The following TRAF3 variants were observed in gnomAD, a reference collection of about 807,000 sequenced individuals.
The protein encoded by TRAF3 is TNF receptor associated factor 3.
TRAF3 carries 13 observed loss-of-function variants against 62.3 expected under a neutral mutation model. The ratio of observed to expected loss-of-function variants is 0.21; its 90% CI spans 0.14 to 0.33. The LOEUF (loss-of-function observed/expected upper bound fraction) is 0.33, where lower values mean the gene tolerates loss of function less well. Among genes scored for constraint, TRAF3 ranks in the 10% least tolerant of loss-of-function variants. The pLI, the probability that TRAF3 is intolerant of heterozygous loss-of-function variation, is 1.00. For missense variants in TRAF3, 440 were observed against 741.8 expected, an observed-to-expected ratio of 0.59 and a Z score of 4.73; for synonymous variants, 269 against 283.4, an observed-to-expected ratio of 0.95 and a Z score of 0.51.
chr14:102,782,989 G>A (rs1897328431), intron 1 of TRAF3, among the ~76,000 whole-genome samples: 1 of 152,208 alleles, frequency 6.6e-6, no homozygotes, highest in African/African-American at 2.4e-5. Flanking sequence ...TGTAATGAAG[G>A]TTTCCTGAGA....
At chr14:102,900,409 A>G (rs1252038793) in intron 10 of TRAF3, among the ~76,000 whole-genome samples, 1 of 152,198 alleles carries the variant, frequency 6.6e-6, no homozygotes, top group Admixed American at 6.5e-5. Flanking sequence ...GCTGAGGCAG[A>G]AGAATCACTT....
chr14:102,887,569 T>C (rs536457755), intron 7 of TRAF3, among the ~76,000 whole-genome samples: 4 of 152,206 alleles, frequency 2.6e-5, no homozygotes, highest in Non-Finnish European at 5.9e-5. Context: ...TCTGTTAATG[T>C]ATAAAGAGTC....
At chr14:102,846,864 T>A (rs1886757717) in intron 2 of TRAF3, among the ~76,000 whole-genome samples, 1 of 152,084 alleles carries the variant, frequency 6.6e-6, no homozygotes. Context: ...TACTTACGTA[T>A]GTGGTGGAAG....
intron 1 of TRAF3, among the ~76,000 whole-genome samples, chr14:102,784,617 C>T (rs931388579): frequency 1.7e-4 from 26 of 152,162 alleles, no homozygotes; most frequent in African/African-American, 5.1e-4. Flanking sequence ...GGGCTATGCT[C>T]GTTGCTAAAG....
chr14:102,789,440 A>G (rs768121928), intron 1 of TRAF3, among the ~76,000 whole-genome samples: 1 of 150,192 alleles, frequency 6.7e-6, no homozygotes, highest in Non-Finnish European at 1.5e-5. Flanking sequence ...CAGTGTTCCA[A>G]TTTCAGGACA....
intron 1 of TRAF3, among the ~76,000 whole-genome samples, chr14:102,790,175 A>T (rs1343455338): frequency 6.6e-6 from 1 of 151,996 alleles, no homozygotes; most frequent in East Asian, 1.9e-4. Context: ...TTTTTGATCC[A>T]TTTCAGTTAA....
Position 102,854,706 on chromosome 14 carries a change from G to A in TRAF3, c.-17-15479G>A, listed in dbSNP as rs959958446. On this transcript the variant is annotated intron_variant, in intron 2 of 11. Coordinates refer to ENST00000392745, the MANE Select transcript of TRAF3 (RefSeq NM_145725.3). ...TAGAGATGGGGTTTTTTACTGTGTT[G>A]CCCAGGCATGTCTTGAACTACTGGC... 4.6e-5 allele frequency among the ~76,000 whole-genome samples: 7 copies of A among 151,232 alleles called. No homozygotes were observed. The East Asian group carries it at 1.4e-3, about 29-fold the overall frequency.
At chr14:102,850,482 A>G (rs1886968640) in intron 2 of TRAF3, among the ~76,000 whole-genome samples, 1 of 152,034 alleles carries the variant, frequency 6.6e-6, no homozygotes, top group Non-Finnish European at 1.5e-5. Flanking sequence ...GAATCACTTG[A>G]GGTCAGGAGT....
At chr14:102,831,723 C>T (rs1470842921) in intron 2 of TRAF3, among the ~76,000 whole-genome samples, 1 of 152,186 alleles carries the variant, frequency 6.6e-6, no homozygotes, top group Non-Finnish European at 1.5e-5. Context: ...ATTCAAAACC[C>T]TCAGTTCTTA....
At chr14:102,875,528 G>GA in intron 4 of TRAF3, 96 bp from the exon 5 acceptor site, 3 of 839,530 alleles carry the variant, frequency 3.6e-6, no homozygotes, top group South Asian at 1.6e-5. Flanking sequence ...TTCCTCTCTT[G>GA]TTTTTTTTTT....
intron 1 of TRAF3, among the ~76,000 whole-genome samples, chr14:102,785,360 G>C (rs1897446841): frequency 6.6e-6 from 1 of 152,202 alleles, no homozygotes; most frequent in African/African-American, 2.4e-5. Flanking sequence ...TGGCTCAGAT[G>C]CTTCTTACAG....
chr14:102,839,740 C>T (rs1249297450), intron 2 of TRAF3, among the ~76,000 whole-genome samples: 1 of 152,108 alleles, frequency 6.6e-6, no homozygotes, highest in African/African-American at 2.4e-5. Context: ...TTTTTATGTT[C>T]TCATAGTATC....
At chr14:102,837,859 G>A (rs1487053778) in intron 2 of TRAF3, among the ~76,000 whole-genome samples, 1 of 152,142 alleles carries the variant, frequency 6.6e-6, no homozygotes, top group Non-Finnish European at 1.5e-5. Flanking sequence ...TCTGACTTTG[G>A]GCAAGTTGTT....
intron 2 of TRAF3, among the ~76,000 whole-genome samples, chr14:102,844,875 C>CT (rs1021783037): frequency 2.7e-5 from 4 of 147,836 alleles, no homozygotes; most frequent in African/African-American, 1.0e-4. Flanking sequence ...ACTCCCACCT[C>CT]TAAAAAAAAA....
At chr14:102,869,686 G>C (rs1296619918) in intron 2 of TRAF3, among the ~76,000 whole-genome samples, 1 of 151,594 alleles carries the variant, frequency 6.6e-6, no homozygotes, top group Non-Finnish European at 1.5e-5. Context: ...GCCGCCTGTA[G>C]TCTCAGCTAC....
At chr14:102,897,210 T>G in intron 9 of TRAF3, 51 bp from the exon 10 acceptor site, 1 of 1,539,032 alleles carries the variant, frequency 6.5e-7, no homozygotes, top group Non-Finnish European at 8.9e-7. Context: ...TTGTTGTTAA[T>G]TAATATGAAA....
intron 3 of TRAF3, 82 bp from the exon 4 acceptor site, chr14:102,871,835 A>G (rs1888359043): frequency 1.5e-6 from 2 of 1,360,592 alleles, no homozygotes; most frequent in Admixed American, 1.7e-5. Context: ...ACCTGACCAT[A>G]AAGTGAATGC....
chr14:102,828,396 ACTC>A (rs1317109085), intron 1 of TRAF3, among the ~76,000 whole-genome samples: 1 of 151,826 alleles, frequency 6.6e-6, no homozygotes, highest in Non-Finnish European at 1.5e-5. Flanking sequence ...TGAAGGTAAT[ACTC>A]CTCCGGACCT....
At chr14:102,802,655 C>A (rs1207374930) in intron 1 of TRAF3, among the ~76,000 whole-genome samples, 1 of 151,410 alleles carries the variant, frequency 6.6e-6, no homozygotes, top group South Asian at 2.1e-4. Context: ...GGTGAAACTC[C>A]ATCTCTACTA....
Sources: allele counts gnomAD v4.1 joint callset (sites outside exome capture counted in the v4.1 genomes callset), GRCh38; gene constraint gnomAD v4.1.1; transcripts MANE v1.5; gene names NCBI Gene and HGNC (gene_info 2026-07-23, HGNC 2026-07-21).